RASGRF1: variants seen among roughly 807,000 people sequenced by gnomAD.
RASGRF1 encodes Ras protein specific guanine nucleotide releasing factor 1, also known as ras-specific guanine nucleotide-releasing factor 1.
A neutral mutation model predicts 138.7 loss-of-function variants in RASGRF1; 40 were observed. That is an observed-to-expected ratio of 0.29 (90% CI 0.22 to 0.38). The LOEUF (loss-of-function observed/expected upper bound fraction) is 0.38, where lower values mean the gene tolerates loss of function less well. Ranked by LOEUF, RASGRF1 falls within the 10% of genes least tolerant of loss-of-function variation. The pLI is 1.00. For missense variants in RASGRF1, 1,108 were observed against 1,650.4 expected (o/e 0.67, Z 5.69); for synonymous variants, 614 against 663.2 (o/e 0.93, Z 1.14).
intron 18 of RASGRF1, 52 bp downstream of exon 18, chr15:78,998,667 G>A: frequency 6.9e-7 from 1 of 1,457,158 alleles, no homozygotes; most frequent in East Asian, 2.3e-5. Flanking sequence ...TGGTTCCTGG[G>A]GCCATTGCCT....
intron 22 of RASGRF1, among the ~76,000 whole-genome samples, chr15:78,989,547 C>T (rs2056227752): frequency 6.6e-6 from 1 of 151,912 alleles, no homozygotes; most frequent in Non-Finnish European, 1.5e-5. Flanking sequence ...AGCACTGTGG[C>T]CTCCTAACAT....
chr15:79,046,626 G>C lies in RASGRF1; in HGVS notation c.878+120C>G. 2 of 1,493,530 alleles carry C rather than the reference G, an allele frequency of 1.3e-6. No individual in the cohort carries two copies. Among genetic ancestry groups the C allele is most frequent in the Non-Finnish European group, 9.1e-7 (1 of 1,096,722 alleles). 92.5% of individuals were successfully genotyped at this position (1,493,530 alleles called of 1,614,324 possible). A position where few individuals can be genotyped will look rare whatever the true frequency, so the allele number is the denominator to read the frequency against. On this transcript the variant is annotated intron_variant, in intron 5 of 26. Transcript: ENST00000558480. This position sits in a 1 kb window ranked among gnomAD's most constrained non-coding sequence, Gnocchi z 5.3. ...TAGCCACGTGATCTTGGGCACTTCT[G>C]TCCTCTCTGGGCCTCATCTGCACTC... is the stretch of plus-strand genomic sequence containing the variant.
chr15:79,028,688 G>T (rs530632402), intron 8 of RASGRF1, among the ~76,000 whole-genome samples: 125 of 152,240 alleles, frequency 8.2e-4, no homozygotes, highest in African/African-American at 2.9e-3. Context: ...GAGTGGGGAA[G>T]GGGGGCTTCT....
chr15:79,005,041 C>G, intron 14 of RASGRF1: 1 of 985,510 alleles, frequency 1.0e-6, no homozygotes, highest in South Asian at 4.7e-5. Context: ...GTCTGCTGGG[C>G]CCCTGGGAAT....
intron 26 of RASGRF1, among the ~76,000 whole-genome samples, chr15:78,970,414 A>G (rs2055729513): frequency 6.6e-6 from 1 of 152,124 alleles, no homozygotes; most frequent in African/African-American, 2.4e-5. Context: ...ATTCTCTTAC[A>G]TGGCCTTGCA....
chr15:78,986,503 T>C (rs1265933593), intron 22 of RASGRF1, among the ~76,000 whole-genome samples: 1 of 151,844 alleles, frequency 6.6e-6, no homozygotes. Flanking sequence ...CACACCACCA[T>C]GCCTGACTAA....
At chr15:79,087,071 A>C (rs2057990698) in intron 1 of RASGRF1, among the ~76,000 whole-genome samples, 1 of 152,216 alleles carries the variant, frequency 6.6e-6, no homozygotes, top group Non-Finnish European at 1.5e-5. Context: ...AGCTCCCTGG[A>C]CACTGAGGCT....
intron 5 of RASGRF1, among the ~76,000 whole-genome samples, chr15:79,035,454 A>C: frequency 6.6e-6 from 1 of 152,250 alleles, no homozygotes; most frequent in Middle Eastern, 3.2e-3. Context: ...CACAGCATTA[A>C]ATCAAGCCCA....
intron 21 of RASGRF1, among the ~76,000 whole-genome samples, chr15:78,990,854 A>C (rs1023073350): frequency 2.0e-5 from 3 of 152,224 alleles, no homozygotes; most frequent in Non-Finnish European, 4.4e-5. Flanking sequence ...GGGACATATC[A>C]GGAATATCAT....
At chr15:79,028,107 A>T (rs2057086171) in intron 8 of RASGRF1, among the ~76,000 whole-genome samples, 1 of 152,198 alleles carries the variant, frequency 6.6e-6, no homozygotes, top group Admixed American at 6.5e-5. Flanking sequence ...TATTTCAGAA[A>T]AAAGAAAACT....
At chr15:79,059,372 T>TCCTTCCCTTCCCTTCCCTTCCCTTC (rs370008646) in intron 2 of RASGRF1, among the ~76,000 whole-genome samples, 3 of 38,458 alleles carry the variant, frequency 7.8e-5, no homozygotes, top group African/African-American at 3.1e-4. Context: ...CCCTTCCCAA[T>TCCTTCCCTTCCCTTCCCTTCCCTTC]CCTTCCCTTC....
intron 21 of RASGRF1, 114 bp from the exon 22 acceptor site, chr15:78,990,387 G>A: frequency 1.4e-6 from 1 of 711,388 alleles, no homozygotes; most frequent in Admixed American, 2.4e-5. Flanking sequence ...ATTTCTGGGG[G>A]AACAACCTTC....
Position 79,032,460 on chromosome 15 carries a change from G to A in RASGRF1, c.959-144C>T, listed in dbSNP as rs1334542604. On this transcript the variant is annotated intron_variant, in intron 6 of 26. Coordinates refer to ENST00000558480, the MANE Select transcript of RASGRF1 (RefSeq NM_001145648.3). This position sits in a 1 kb window ranked among gnomAD's most constrained non-coding sequence, Gnocchi z 4.5. ...CCCCAGAGACATCTCTGCTCTTGGG[G>A]ATGACTCCAGTACCACTGCCCTATC... The A allele has an allele frequency of 5.4e-6, 4 of 738,172 alleles. No homozygotes were observed. The highest frequency in any genetic ancestry group is 2.6e-5 in the Admixed American group (1 of 38,756). The allele number at this position is 738,172 out of a possible 1,614,324, so 45.7% of individuals were successfully genotyped here. A position where few individuals can be genotyped will look rare whatever the true frequency, so the allele number is the denominator to read the frequency against.
At chr15:79,004,699 G>A in intron 14 of RASGRF1, 1 of 986,046 alleles carries the variant, frequency 1.0e-6, no homozygotes, top group Non-Finnish European at 1.2e-6. Context: ...GGGATGGGAA[G>A]CTGAAAGTGG....
At chr15:79,080,701 G>A (rs1048288441) in intron 1 of RASGRF1, among the ~76,000 whole-genome samples, 1 of 152,116 alleles carries the variant, frequency 6.6e-6, no homozygotes, top group Admixed American at 6.5e-5. Flanking sequence ...CAACTAGGAA[G>A]TATCTTTTGG....
At chr15:78,978,334 C>T (rs368839606) in intron 24 of RASGRF1, 2 of 194,932 alleles carry the variant, frequency 1.0e-5, no homozygotes, top group Non-Finnish European at 1.8e-5. Context: ...AAGCGATTCT[C>T]GTGCTTCAGC....
chr15:79,084,004 AG>A (rs5813952), intron 1 of RASGRF1, among the ~76,000 whole-genome samples: 68,000 of 152,028 alleles, frequency 0.45, 15,666 homozygotes, highest in African/African-American at 0.54. Flanking sequence ...GCAGAGTTGA[AG>A]GGCATTTAGT....
chr15:79,019,890 T>G, intron 11 of RASGRF1, 151 bp downstream of exon 11: 1 of 829,158 alleles, frequency 1.2e-6, no homozygotes, highest in Non-Finnish European at 1.9e-6. Context: ...CTGAACAGGG[T>G]GTGTGCATGA....
chr15:79,014,549 A>G (rs556224959), intron 13 of RASGRF1, among the ~76,000 whole-genome samples: 3 of 152,328 alleles, frequency 2.0e-5, no homozygotes, highest in Middle Eastern at 3.4e-3. Context: ...TGAGGATGCA[A>G]AGGCATAAGA....
Sources: allele counts gnomAD v4.1 joint callset (sites outside exome capture counted in the v4.1 genomes callset), GRCh38; gene constraint gnomAD v4.1.1; non-coding constraint Gnocchi (gnomAD v3.1); transcripts MANE v1.5; gene names NCBI Gene and HGNC (gene_info 2026-07-23, HGNC 2026-07-21).